ADGRL2: variants seen among roughly 807,000 people sequenced by gnomAD.
ADGRL2 encodes calcium-independent alpha-latrotoxin receptor 2.
Under a neutral mutation model 157.4 loss-of-function variants are expected in ADGRL2, and 44 were observed. The ratio of observed to expected loss-of-function variants is 0.28; its 90% CI spans 0.22 to 0.36. The LOEUF (loss-of-function observed/expected upper bound fraction) is 0.36, where lower values mean the gene tolerates loss of function less well. Among genes scored for constraint, ADGRL2 ranks in the 10% least tolerant of loss-of-function variants. The pLI, the probability that ADGRL2 is intolerant of heterozygous loss-of-function variation, is 1.00. For synonymous variants in ADGRL2, 585 were observed against 624.7 expected (o/e 0.94, Z 0.95); for missense variants, 1,510 against 1,768.9 (o/e 0.85, Z 2.63).
At chr1:81,414,556 TGGAA>T (rs2077002013) in intron 1 of ADGRL2, among the ~76,000 whole-genome samples, 1 of 152,180 alleles carries the variant, frequency 6.6e-6, no homozygotes, top group Admixed American at 6.5e-5. Flanking sequence ...CAAGGGAGGC[TGGAA>T]GGATGGCCAG....
At chr1:81,593,861 G>A (rs2081179697) in intron 3 of ADGRL2, among the ~76,000 whole-genome samples, 1 of 152,092 alleles carries the variant, frequency 6.6e-6, no homozygotes, top group African/African-American at 2.4e-5. Flanking sequence ...ATCTAAAGAG[G>A]CTCCAATTTT....
At chr1:81,800,559 G>A (rs2149456566), upstream of ADGRL2, 1 of 152,224 alleles carries the variant, frequency 6.6e-6, no homozygotes, top group African/African-American at 2.4e-5. Flanking sequence ...TCCAGGCCGG[G>A]AGCAAGCTCC....
chr1:81,897,818 A>G (rs1024973599), intron 2 of ADGRL2, among the ~76,000 whole-genome samples: 2 of 152,192 alleles, frequency 1.3e-5, no homozygotes, highest in Admixed American at 6.5e-5. Context: ...TGTATTTCTT[A>G]GTGTAACACT....
chr1:81,540,810 TA>T (rs1480825757), intron 2 of ADGRL2, among the ~76,000 whole-genome samples: 10 of 152,154 alleles, frequency 6.6e-5, no homozygotes, highest in South Asian at 6.2e-4. Context: ...GCTCTCAGTC[TA>T]ACATCACTTT....
intron 2 of ADGRL2, among the ~76,000 whole-genome samples, chr1:81,534,551 G>A (rs554751197): frequency 3.9e-5 from 6 of 152,300 alleles, no homozygotes; most frequent in Admixed American, 6.5e-5. Flanking sequence ...TCTGATATGA[G>A]CTACACAATA....
intron 3 of ADGRL2, among the ~76,000 whole-genome samples, chr1:81,662,098 A>G (rs962717715): frequency 2.0e-5 from 3 of 152,180 alleles, no homozygotes; most frequent in Non-Finnish European, 2.9e-5. Flanking sequence ...GAAATAGCAC[A>G]TGATGGAGAA....
At chr1:81,505,103 A>G in intron 2 of ADGRL2, 1 of 428,850 alleles carries the variant, frequency 2.3e-6, no homozygotes, top group Non-Finnish European at 4.5e-6. Flanking sequence ...AAGGGAATCA[A>G]AAGCTTGAGC....
chr1:81,719,155 C>A (rs1404632630), intron 1 of ADGRL2, among the ~76,000 whole-genome samples: 3 of 152,192 alleles, frequency 2.0e-5, no homozygotes, highest in African/African-American at 7.2e-5. Flanking sequence ...TTGGTTTAAA[C>A]CTTGCCTCAT....
chr1:81,397,721 G>T (rs542903059), intron 1 of ADGRL2, among the ~76,000 whole-genome samples: 1 of 152,060 alleles, frequency 6.6e-6, no homozygotes, highest in Admixed American at 6.6e-5. Context: ...TGAGACATTT[G>T]CAGCCTAACA....
chr1:81,324,412 G>C (rs150014833), intron 1 of ADGRL2, among the ~76,000 whole-genome samples: 3 of 151,438 alleles, frequency 2.0e-5, no homozygotes, highest in Admixed American at 6.6e-5. Context: ...GGAAAGCTGA[G>C]GCAGGAGGAT....
At chr1:81,570,654 A>G (rs951466341) in intron 2 of ADGRL2, among the ~76,000 whole-genome samples, 4 of 152,070 alleles carry the variant, frequency 2.6e-5, no homozygotes, top group Non-Finnish European at 5.9e-5. Flanking sequence ...CTCCCAAAGT[A>G]CTGAGATTAC....
chr1:81,442,250 A>C (rs2077521035), intron 1 of ADGRL2, among the ~76,000 whole-genome samples: 1 of 152,214 alleles, frequency 6.6e-6, no homozygotes, highest in Non-Finnish European at 1.5e-5. Context: ...TATTACCACA[A>C]CTTCAAAAAT....
intron 2 of ADGRL2, among the ~76,000 whole-genome samples, chr1:81,568,779 C>T (rs1404005633): frequency 6.6e-6 from 1 of 152,034 alleles, no homozygotes; most frequent in African/African-American, 2.4e-5. Context: ...GCAAATTAAA[C>T]CAAAAACTGA....
intron 2 of ADGRL2, among the ~76,000 whole-genome samples, chr1:81,839,905 A>G (rs1181543898): frequency 7.1e-6 from 1 of 140,954 alleles, no homozygotes; most frequent in Admixed American, 7.3e-5. Context: ...ATATATATAT[A>G]TTTTCCATCA....
chr1:81,573,733 G>A, intron 2 of ADGRL2, among the ~76,000 whole-genome samples: 1 of 152,142 alleles, frequency 6.6e-6, no homozygotes, highest in East Asian at 1.9e-4. Context: ...TGTGTGTGGA[G>A]GAGAACTTTT....
chr1:81,446,660 C>T (rs771800118), intron 2 of ADGRL2, among the ~76,000 whole-genome samples: 2 of 152,162 alleles, frequency 1.3e-5, no homozygotes, highest in Non-Finnish European at 1.5e-5. Context: ...CTTACACAGT[C>T]CCGGAACACC....
At chr1:81,334,433 T>A (rs1412197566) in intron 1 of ADGRL2, among the ~76,000 whole-genome samples, 1 of 152,234 alleles carries the variant, frequency 6.6e-6, no homozygotes, top group Non-Finnish European at 1.5e-5. Context: ...ATTTTTCCAA[T>A]TTCAAGATGA....
chr1:81,504,352 G>A (rs916834551), intron 2 of ADGRL2, among the ~76,000 whole-genome samples: 1 of 152,010 alleles, frequency 6.6e-6, no homozygotes, highest in Non-Finnish European at 1.5e-5. Context: ...ATTTCTTATG[G>A]GGCCATCTTG....
At chr1:81,856,557 T>G (rs908019318) in intron 2 of ADGRL2, among the ~76,000 whole-genome samples, 2 of 152,134 alleles carry the variant, frequency 1.3e-5, no homozygotes, top group African/African-American at 4.8e-5. Flanking sequence ...AGCAGATCAT[T>G]TGAGTTAGAA....
Sources: allele counts gnomAD v4.1 joint callset (sites outside exome capture counted in the v4.1 genomes callset), GRCh38; gene constraint gnomAD v4.1.1; transcripts MANE v1.5; gene names NCBI Gene and HGNC (gene_info 2026-07-23, HGNC 2026-07-21).